Variants in KCNMB2 observed in about 807,000 individuals in gnomAD.
The protein encoded by KCNMB2 is potassium calcium-activated channel subfamily M regulatory beta subunit 2.
A neutral mutation model predicts 24.5 loss-of-function variants in KCNMB2; 9 were observed. That is an observed-to-expected ratio of 0.37 (90% CI 0.22 to 0.64). KCNMB2 has a LOEUF of 0.64. KCNMB2 is among the 30% of genes least tolerant of loss of function. KCNMB2 has a pLI of 0.63. For synonymous variants in KCNMB2, 109 were observed against 104.4 expected (o/e 1.04, Z -0.27); for missense variants, 226 against 284.3 (o/e 0.79, Z 1.47).
At chr3:178,800,106 C>T (rs1278446748) in intron 1 of KCNMB2, among the ~76,000 whole-genome samples, 3 of 152,076 alleles carry the variant, frequency 2.0e-5, no homozygotes, top group Non-Finnish European at 2.9e-5. Context: ...CTCTCCAGGA[C>T]ATTGGTCTAG....
intron 1 of KCNMB2, among the ~76,000 whole-genome samples, chr3:178,597,220 T>C (rs929800048): frequency 2.6e-5 from 4 of 152,178 alleles, no homozygotes; most frequent in African/African-American, 9.7e-5. Context: ...CCTCAGCCAG[T>C]TGAAAATCAT....
At chr3:178,585,392 C>T (rs1266053457) in intron 1 of KCNMB2, among the ~76,000 whole-genome samples, 1 of 152,162 alleles carries the variant, frequency 6.6e-6, no homozygotes, top group Non-Finnish European at 1.5e-5. Flanking sequence ...TTATATTAAC[C>T]ATCCCTTTCA....
rs540153502 is a variant in KCNMB2, at chr3:178,541,052, T to C, written c.-68+4341T>C. Among the ~76,000 whole-genome samples, 7 of 152,332 alleles carry C rather than the reference T, an allele frequency of 4.6e-5. No individual in the cohort carries two copies. The South Asian group carries it at 1.2e-3, about 27-fold the overall frequency. On this transcript the variant is annotated intron_variant, in intron 1 of 4. Transcript: ENST00000452583. Reference sequence around the variant, plus strand: ...CATTAGTAGCATTAGATTCCAAGTATAAGATTTTCAACCTCAGAGTCAGAG... The same window carrying C: ...CATTAGTAGCATTAGATTCCAAGTACAAGATTTTCAACCTCAGAGTCAGAG...
rs190080141 is a variant in KCNMB2 at position 178,832,703 on chromosome 3, A to G, written c.423+4330A>G. Among the ~76,000 whole-genome samples the G allele has an allele frequency of 5.5e-3, 445 of 80,990 alleles. 147 individuals are homozygous for G. Among genetic ancestry groups the G allele is most frequent in the Middle Eastern group, 6.8e-3 (1 of 148 alleles). 53.1% of individuals were successfully genotyped at this position (80,990 alleles called of 152,430 possible). On this transcript the variant is annotated intron_variant, in intron 4 of 4. Coordinates refer to ENST00000452583, the MANE Select transcript of KCNMB2 (RefSeq NM_181361.3). ...ATTCTTTCCTCTGCTCTGCAGATCA[A>G]CTGTTAAACCCATCCATTGAGTCCT...
chr3:178,801,753 A>G (rs1713783478), intron 1 of KCNMB2: 2 of 152,244 alleles, frequency 1.3e-5, no homozygotes, highest in Admixed American at 1.3e-4. Flanking sequence ...CAGCAAGCTG[A>G]GAGCTTAAGT....
chr3:178,551,852 C>A (rs548734772), intron 1 of KCNMB2, among the ~76,000 whole-genome samples: 1 of 152,292 alleles, frequency 6.6e-6, no homozygotes, highest in East Asian at 1.9e-4. Context: ...AATATTCAAG[C>A]TGAAGCCTGC....
intron 1 of KCNMB2, among the ~76,000 whole-genome samples, chr3:178,602,296 C>T (rs1216649828): frequency 1.3e-5 from 2 of 151,168 alleles, no homozygotes; most frequent in Non-Finnish European, 2.9e-5. Context: ...CATTCATCCC[C>T]CTCCCCACAA....
At chr3:178,758,739 G>GATATAT (rs543563641) in intron 1 of KCNMB2, among the ~76,000 whole-genome samples, 1 of 9,442 alleles carries the variant, frequency 1.1e-4, no homozygotes, top group Admixed American at 1.1e-3. Flanking sequence ...TCCAAGAGGA[G>GATATAT]ATATATATAT....
rs535521389 is a variant in KCNMB2 at position 178,614,557 on chromosome 3, A to G, written c.-68+77846A>G. 1.5e-3 allele frequency among the ~76,000 whole-genome samples: 229 copies of G among 151,842 alleles called. 2 individuals carry two copies. The highest frequency in any genetic ancestry group is 2.1e-3 in the Non-Finnish European group (146 of 67,934). ...GGAAAAGACCTGCCCCCATGATTCA[A>G]TTATCTCTCACCAGGTCCTTCCCAC... On this transcript the variant is annotated intron_variant, in intron 1 of 4. Transcript: ENST00000452583.
At chr3:178,591,625 A>G (rs1360553750) in intron 1 of KCNMB2, among the ~76,000 whole-genome samples, 1 of 152,104 alleles carries the variant, frequency 6.6e-6, no homozygotes, top group Non-Finnish European at 1.5e-5. Context: ...TGGGACCTCC[A>G]TTGCTGATGG....
At chr3:178,695,382 G>A (rs1440568413) in intron 1 of KCNMB2, among the ~76,000 whole-genome samples, 1 of 152,256 alleles carries the variant, frequency 6.6e-6, no homozygotes, top group Non-Finnish European at 1.5e-5. Context: ...ATTAGTGTCT[G>A]GCTCCTCGCT....
At chr3:178,631,667 A>G (rs927738894) in intron 1 of KCNMB2, among the ~76,000 whole-genome samples, 1 of 152,242 alleles carries the variant, frequency 6.6e-6, no homozygotes, top group Non-Finnish European at 1.5e-5. Context: ...TTCAAATCTC[A>G]GGTGTGCTAT....
intron 1 of KCNMB2, among the ~76,000 whole-genome samples, chr3:178,806,958 AG>A (rs1302021981): frequency 3.9e-5 from 6 of 152,226 alleles, no homozygotes; most frequent in African/African-American, 1.4e-4. Flanking sequence ...GAAGAAGTTG[AG>A]TTTTAGTATC....
At chr3:178,624,117 G>A (rs755576533) in intron 1 of KCNMB2, among the ~76,000 whole-genome samples, 2 of 152,166 alleles carry the variant, frequency 1.3e-5, no homozygotes, top group Non-Finnish European at 2.9e-5. Context: ...ATCCAAAGGA[G>A]AGCTGAGCTG....
chr3:178,542,399 A>G (rs1028804829), intron 1 of KCNMB2, among the ~76,000 whole-genome samples: 1 of 152,180 alleles, frequency 6.6e-6, no homozygotes, highest in African/African-American at 2.4e-5. Flanking sequence ...TCAAAAAGTA[A>G]TAGTTATCTC....
At chr3:178,728,676 T>G (rs552887639) in intron 1 of KCNMB2, among the ~76,000 whole-genome samples, 21 of 152,256 alleles carry the variant, frequency 1.4e-4, no homozygotes, top group African/African-American at 5.1e-4. Flanking sequence ...CCTCTACCTG[T>G]GCTGTCCTTT....
intron 1 of KCNMB2, among the ~76,000 whole-genome samples, chr3:178,621,419 A>C (rs1053996805): frequency 6.6e-6 from 1 of 150,758 alleles, no homozygotes; most frequent in Non-Finnish European, 1.5e-5. Flanking sequence ...TAAATATTTT[A>C]TCTCTCTGAC....
At chr3:178,757,267 T>C (rs1477005298) in intron 1 of KCNMB2, 3 of 137,782 alleles carry the variant, frequency 2.2e-5, no homozygotes, top group Non-Finnish European at 4.7e-5. Context: ...TACACGTGTG[T>C]GTGTGTATAC....
intron 1 of KCNMB2, among the ~76,000 whole-genome samples, chr3:178,543,267 A>G (rs1576999708): frequency 1.3e-5 from 2 of 152,226 alleles, no homozygotes; most frequent in East Asian, 3.8e-4. Flanking sequence ...GGAAAAATCA[A>G]AGAAAATGTC....
Sources: allele counts gnomAD v4.1 joint callset (sites outside exome capture counted in the v4.1 genomes callset), GRCh38; gene constraint gnomAD v4.1.1; transcripts MANE v1.5; gene names NCBI Gene and HGNC (gene_info 2026-07-23, HGNC 2026-07-21).